Variants in DMD observed in about 807,000 individuals in gnomAD.
The protein encoded by DMD is mutant dystrophin.
DMD carries 63 observed loss-of-function variants against 330.1 expected under a neutral mutation model. That is an observed-to-expected ratio of 0.19 (90% CI 0.16 to 0.24). DMD has a LOEUF of 0.24. DMD is among the 10% of genes least tolerant of loss of function. DMD has a pLI of 1.00. For synonymous variants in DMD, 1,223 were observed against 959.8 expected, an observed-to-expected ratio of 1.27 and a Z score of -5.07; for missense variants, 3,344 against 2,684.1, an observed-to-expected ratio of 1.25 and a Z score of -5.43.
At chrX:32,437,973 T>C (rs907120388) in intron 29 of DMD, among the ~76,000 whole-genome samples, 1 of 112,007 alleles carries the variant, frequency 8.9e-6, no homozygotes, top group Non-Finnish European at 1.9e-5. Flanking sequence ...TACTGGTCTA[T>C]CTTGAGTAAG....
At chrX:32,679,134 G>C (rs1251959733) in intron 9 of DMD, among the ~76,000 whole-genome samples, 1 of 111,895 alleles carries the variant, frequency 8.9e-6, no homozygotes, top group East Asian at 2.8e-4. Flanking sequence ...TGCTAGGTAT[G>C]CTAGGGGAGA....
In DMD at chrX:32,220,647, T is replaced by A. The variant is rs185055061; in HGVS notation, c.6291-3584A>T. Among the ~76,000 whole-genome samples the A allele has an allele frequency of 6.2e-3, 688 of 110,730 alleles. 2 individuals are homozygous for A. The highest frequency in any genetic ancestry group is 0.013 in the African/African-American group (397 of 30,597). On this transcript the variant is annotated intron_variant, in intron 43 of 78. Coordinates refer to ENST00000357033, the MANE Select transcript of DMD (RefSeq NM_004006.3). ...CAAGGAAAATTCCAAATGAAAAAAA[T>A]ATATATATATTTTTTCTGGTTTTAC...
intron 7 of DMD, among the ~76,000 whole-genome samples, chrX:32,794,712 A>G (rs1461024918): frequency 8.9e-6 from 1 of 112,471 alleles, no homozygotes; most frequent in Non-Finnish European, 1.9e-5. Flanking sequence ...AGGCGTCCTA[A>G]TAGAAGAAAT....
At chrX:31,208,238 G>T (rs2044285663) in intron 65 of DMD, among the ~76,000 whole-genome samples, 1 of 111,071 alleles carries the variant, frequency 9.0e-6, no homozygotes, top group Non-Finnish European at 1.9e-5. Flanking sequence ...GAAATCCTGG[G>T]CACTAATGGA....
chrX:32,510,472 T>A (rs1302065225), intron 18 of DMD, among the ~76,000 whole-genome samples: 3 of 111,825 alleles, frequency 2.7e-5, no homozygotes, highest in Non-Finnish European at 3.8e-5. Flanking sequence ...TACATATTAG[T>A]CTTGCTTCAT....
chrX:32,259,001 T>C (rs2097310948), intron 43 of DMD, among the ~76,000 whole-genome samples: 1 of 111,007 alleles, frequency 9.0e-6, no homozygotes, highest in Non-Finnish European at 1.9e-5. Flanking sequence ...CATGGCATCA[T>C]ATCTGATATA....
At chrX:31,588,522 C>G (rs1472284887) in intron 55 of DMD, among the ~76,000 whole-genome samples, 4 of 111,543 alleles carry the variant, frequency 3.6e-5, no homozygotes, top group Non-Finnish European at 5.7e-5. Flanking sequence ...TTCTACCTCA[C>G]TCATTTCTTT....
intron 34 of DMD, among the ~76,000 whole-genome samples, chrX:32,373,134 G>C (rs1374876251): frequency 9.1e-6 from 1 of 109,793 alleles, no homozygotes; most frequent in Non-Finnish European, 1.9e-5. Flanking sequence ...ATTGTGTCAC[G>C]CACCACCCAG....
At chrX:31,434,415 C>CGG (rs1569541920) in intron 60 of DMD, among the ~76,000 whole-genome samples, 13 of 72,358 alleles carry the variant, frequency 1.8e-4, no homozygotes, top group Admixed American at 6.4e-4. Flanking sequence ...CTGCAGCGCG[C>CGG]GCGCACACAC....
intron 1 of DMD, among the ~76,000 whole-genome samples, chrX:33,329,765 T>C (rs913698258): frequency 8.9e-6 from 1 of 111,796 alleles, no homozygotes; most frequent in South Asian, 3.7e-4. Context: ...GAGTATTGAC[T>C]AGGAAGTGGT....
chrX:31,231,974 CAT>C (rs1186812578), intron 63 of DMD, among the ~76,000 whole-genome samples: 2 of 106,139 alleles, frequency 1.9e-5, no homozygotes, highest in African/African-American at 6.9e-5. Context: ...CATAGGGAAA[CAT>C]AGGTCCGAGA....
chrX:32,359,746 T>A (rs1433356023), intron 37 of DMD, among the ~76,000 whole-genome samples: 2 of 111,262 alleles, frequency 1.8e-5, no homozygotes, highest in South Asian at 3.8e-4. Flanking sequence ...TTTCAAACCA[T>A]GTTCTATGAG....
chrX:33,014,471 T>G (rs767110470), intron 2 of DMD, among the ~76,000 whole-genome samples: 2 of 111,901 alleles, frequency 1.8e-5, no homozygotes, highest in Non-Finnish European at 3.8e-5. Flanking sequence ...AGTAGAAGAA[T>G]GCAAAATGTT....
chrX:32,204,764 ATGG>A (rs2097056417), intron 44 of DMD, among the ~76,000 whole-genome samples: 1 of 109,931 alleles, frequency 9.1e-6, no homozygotes, highest in African/African-American at 3.3e-5. Flanking sequence ...ACAACCAACC[ATGG>A]TGGAAGGCAA....
chrX:32,678,866 T>C (rs56191590), intron 9 of DMD, among the ~76,000 whole-genome samples: 1,384 of 111,625 alleles, frequency 0.012, 24 homozygotes, highest in African/African-American at 0.043. Context: ...ACTTTGGCAA[T>C]AAAACAGATT....
intron 7 of DMD, among the ~76,000 whole-genome samples, chrX:32,798,554 T>G (rs2076334561): frequency 8.9e-6 from 1 of 112,464 alleles, no homozygotes; most frequent in Admixed American, 9.4e-5. Flanking sequence ...CTATTTGGTA[T>G]ATATTACTTT....
chrX:31,728,873 C>T (rs1056694716), intron 52 of DMD, among the ~76,000 whole-genome samples: 2 of 111,087 alleles, frequency 1.8e-5, no homozygotes, highest in African/African-American at 3.3e-5. Context: ...GTGAAGAAAC[C>T]GAGAGAGATC....
At chrX:32,132,993 C>CTTTTT (rs377615262) in intron 44 of DMD, among the ~76,000 whole-genome samples, 301 of 75,625 alleles carry the variant, frequency 4.0e-3, no homozygotes, top group Non-Finnish European at 4.8e-3. Flanking sequence ...CTTTTCTTTT[C>CTTTTT]TTTTTTTTTT....
intron 45 of DMD, among the ~76,000 whole-genome samples, chrX:31,960,659 G>T (rs146724177): frequency 0.013 from 1,428 of 111,970 alleles, 30 homozygotes; most frequent in African/African-American, 0.043. Context: ...ACATTCACTT[G>T]TATATCTCCA....
Sources: gnomAD v4.1 joint callset for allele counts (sites outside exome capture counted in the v4.1 genomes callset) on GRCh38, gnomAD v4.1.1 for gene constraint, MANE v1.5 for transcripts, NCBI Gene and HGNC (gene_info 2026-07-23, HGNC 2026-07-21) for gene names.